The following LRRC53 variants were observed in gnomAD, a reference collection of about 807,000 sequenced individuals.
LRRC53 encodes the protein leucine-rich repeat-containing protein 53.
Under a neutral mutation model 13.6 loss-of-function variants are expected in LRRC53, and 25 were observed. The ratio of observed to expected loss-of-function variants is 1.83; its 90% confidence interval spans 1.34 to 2.56. The LOEUF is 2.56. Ranked by LOEUF, LRRC53 falls within the 30% of genes most tolerant of loss-of-function variation. The pLI, the probability that LRRC53 is intolerant of heterozygous loss-of-function variation, is 0.00. For synonymous variants in LRRC53, 204 were observed against 109.8 expected, an observed-to-expected ratio of 1.86 and a Z score of -5.37; for missense variants, 527 against 275.8, an observed-to-expected ratio of 1.91 and a Z score of -6.45.
At chr1:74,523,364 T>A in the LRRC53 span, among the ~76,000 whole-genome samples, 1 of 152,234 alleles carries the variant, frequency 6.6e-6, no homozygotes. Flanking sequence ...TATACACATA[T>A]CTAAGAGAAC....
Position 74,472,151 on chromosome 1 carries a change from A to T in LRRC53, c.1471T>A (p.Leu491Met). 1.4e-6 allele frequency: 1 copy of T among 717,184 alleles called. No individual in the cohort carries two copies. Among genetic ancestry groups the T allele is most frequent in the East Asian group, 2.7e-5 (1 of 37,286 alleles). The allele number at this position is 717,184 out of a possible 1,614,324, so 44.4% of individuals were successfully genotyped here. Residue 491 changes from leucine to methionine, a missense_variant, in exon 5 of 5, where the codon TTG becomes ATG. Transcript: ENST00000294635. ...CGCTTCTCAAGACTTTCTCCTGCCA[A>T]GGCTGAAGCGGGTGTTGCATATCTT... is the stretch of plus-strand genomic sequence containing the variant. ...RRRYATPASA[L>M]AGESLEKRLT...
intron 3 of LRRC53, among the ~76,000 whole-genome samples, chr1:74,478,430 T>G (rs934003437): frequency 1.3e-5 from 2 of 152,208 alleles, no homozygotes; most frequent in Non-Finnish European, 1.5e-5. Context: ...GAACTGTTAA[T>G]GTAGCTAAAT....
chr1:74,485,209 A>C (rs946834516), intron 1 of LRRC53, among the ~76,000 whole-genome samples: 2 of 152,226 alleles, frequency 1.3e-5, no homozygotes, highest in Admixed American at 6.5e-5. Context: ...TGGATGCTTT[A>C]AGAAGGATGT....
chr1:74,521,231 C>T, the LRRC53 span, among the ~76,000 whole-genome samples: 1 of 152,122 alleles, frequency 6.6e-6, no homozygotes, highest in Admixed American at 6.5e-5. Context: ...CACATTGTGG[C>T]ACTGCCATTT....
chr1:74,484,974 G>A (rs575274944), intron 1 of LRRC53, among the ~76,000 whole-genome samples: 1 of 152,182 alleles, frequency 6.6e-6, no homozygotes, highest in East Asian at 1.9e-4. Flanking sequence ...AAGGATGAGA[G>A]GTAAGCATAT....
rs776625841 is a variant in LRRC53 at position 74,475,489 on chromosome 1, A to AC, written c.1225dup (p.Val409GlyfsTer11). On this transcript the variant is annotated frameshift_variant, in exon 4 of 5. Coordinates refer to ENST00000294635, the MANE Select transcript of LRRC53 (RefSeq NM_001382280.1). LOFTEE classifies it high-confidence loss of function. Reference sequence around the variant, plus strand: ...ATCCTGGCAAAATAAAGTGCTGCCTACCCCACGGTCTTTCTTTTTCAGGTT... The same window carrying AC: ...ATCCTGGCAAAATAAAGTGCTGCCTACCCCCACGGTCTTTCTTTTTCAGGTT... The AC allele has an allele frequency of 1.6e-4, 114 of 716,824 alleles. No homozygotes were observed. The highest frequency in any genetic ancestry group is 1.2e-3 in the South Asian group (84 of 67,548). 44.4% of individuals were successfully genotyped at this position (716,824 alleles called of 1,614,324 possible). A position where few individuals can be genotyped will look rare whatever the true frequency, so the allele number is the denominator to read the frequency against.
intron 1 of LRRC53, among the ~76,000 whole-genome samples, chr1:74,505,850 G>A (rs1188280660): frequency 6.6e-6 from 1 of 152,174 alleles, no homozygotes; most frequent in Non-Finnish European, 1.5e-5. Flanking sequence ...ATTAATATTT[G>A]TGATATTAGC....
chr1:74,505,695 G>A (rs1669860138), intron 1 of LRRC53, among the ~76,000 whole-genome samples: 1 of 152,040 alleles, frequency 6.6e-6, no homozygotes, highest in South Asian at 2.1e-4. Context: ...TAAACCAGTT[G>A]TCATTTCTCA....
At chr1:74,528,013 G>T in the LRRC53 span, among the ~76,000 whole-genome samples, 1 of 152,172 alleles carries the variant, frequency 6.6e-6, no homozygotes, top group African/African-American at 2.4e-5. Context: ...GGTAAATAAG[G>T]TAGTCACGTG....
At chr1:74,533,281 C>T in the LRRC53 span, among the ~76,000 whole-genome samples, 3 of 152,130 alleles carry the variant, frequency 2.0e-5, no homozygotes, top group Non-Finnish European at 4.4e-5. Flanking sequence ...CAAAAGAAGA[C>T]ATTTATGCAG....
chr1:74,484,021 T>C (rs564514269), intron 1 of LRRC53, among the ~76,000 whole-genome samples: 62 of 152,276 alleles, frequency 4.1e-4, no homozygotes, highest in Non-Finnish European at 6.9e-4. Context: ...CTTTTTCATG[T>C]GTAAAATAGA....
upstream of LRRC53, among the ~76,000 whole-genome samples, chr1:74,514,859 A>C (rs1406272414): frequency 6.6e-6 from 1 of 152,174 alleles, no homozygotes; most frequent in Non-Finnish European, 1.5e-5. Flanking sequence ...ATTTGGAAAC[A>C]GGGTTGTTGC....
chr1:74,492,326 A>G, intron 1 of LRRC53: 1 of 1,399,584 alleles, frequency 7.1e-7, no homozygotes, highest in Non-Finnish European at 9.4e-7. Flanking sequence ...TTATCAAGAC[A>G]GTCAACTGAT....
chr1:74,480,807 G>A lies in LRRC53; in HGVS notation c.250C>T (p.Arg84Trp), dbSNP rs1461289427. Residue 84 changes from arginine to tryptophan, a missense_variant, in exon 3 of 5, where the codon CGG becomes TGG. Transcript: ENST00000294635. ...EDALHGLTMLRTLLLEHNQIS... is the reference protein window; with the variant it reads ...EDALHGLTMLWTLLLEHNQIS... ...TGGTTGTGCTCCAGCAACAAGGTCC[G>A]CAACATCGTAAGCCCATGCAGGGCA... is the stretch of plus-strand genomic sequence containing the variant. 1 of 717,570 alleles carries A rather than the reference G, an allele frequency of 1.4e-6. No individual in the cohort carries two copies. Among genetic ancestry groups the A allele is most frequent in the Admixed American group, 2.0e-5 (1 of 50,020 alleles). 44.5% of individuals were successfully genotyped at this position (717,570 alleles called of 1,614,324 possible). A position where few individuals can be genotyped will look rare whatever the true frequency, so the allele number is the denominator to read the frequency against.
chr1:74,497,509 A>T (rs968914113), intron 1 of LRRC53, among the ~76,000 whole-genome samples: 2 of 151,736 alleles, frequency 1.3e-5, no homozygotes, highest in African/African-American at 4.8e-5. Flanking sequence ...TCCTCTTTCC[A>T]TGGGTCTTCT....
chr1:74,483,395 C>A lies in LRRC53; in HGVS notation c.-26-20G>T, dbSNP rs544739201. 1.4e-6 allele frequency: 1 copy of A among 715,732 alleles called. No homozygotes were observed. The highest frequency in any genetic ancestry group is 1.5e-5 in the South Asian group (1 of 67,432). The allele number at this position is 715,732 out of a possible 1,614,324, so 44.3% of individuals were successfully genotyped here. Reference sequence around the variant, plus strand: ...ATCCACCTGAAAGGAAAGTAGAGGGCAATGTATATCATAATGTTGGCATTC... The same window carrying A: ...ATCCACCTGAAAGGAAAGTAGAGGGAAATGTATATCATAATGTTGGCATTC... On this transcript the variant is annotated intron_variant, in intron 1 of 4. Transcript: ENST00000294635.
intron 1 of LRRC53, among the ~76,000 whole-genome samples, chr1:74,509,747 C>CTTTTTTT (rs68193106): frequency 1.3e-4 from 6 of 47,812 alleles, no homozygotes; most frequent in Admixed American, 3.7e-4. Context: ...ATCTGAATTT[C>CTTTTTTT]TTTTTTTTTT....
Position 74,475,387 on chromosome 1 carries a change from G to C in LRRC53, c.1328C>G (p.Thr443Arg), listed in dbSNP as rs45516996. The C allele has an allele frequency of 3.0e-4, 216 of 717,032 alleles. 1 individual carries two copies. In the African/African-American group the frequency reaches 3.4e-3, roughly 11 times the overall value. The allele number at this position is 717,032 out of a possible 1,614,324, so 44.4% of individuals were successfully genotyped here. A position where few individuals can be genotyped will look rare whatever the true frequency, so the allele number is the denominator to read the frequency against. The part of the protein sequence containing the change: ...RAFNEAGLLT[T>R]YNPRKVQKLW... ...CTTTTGAACTTTCCTTGGATTATAT[G>C]TTGTAAGTAAGCCTGCTTCATTAAA... Residue 443 changes from threonine (T) to arginine (R), a missense_variant, in exon 4 of 5, where the codon ACA becomes AGA. Thr to Arg is a moderately conservative substitution (Grantham distance 71). Transcript: ENST00000294635.
At chr1:74,472,222 G>T (rs1667971868) in intron 4 of LRRC53, 21 bp from the exon 5 acceptor site, 2 of 715,420 alleles carry the variant, frequency 2.8e-6, no homozygotes, top group Admixed American at 2.0e-5. Context: ...ATAAATGCAA[G>T]AATTTAGCAC....
Sources: allele counts gnomAD v4.1 joint callset (sites outside exome capture counted in the v4.1 genomes callset), GRCh38; gene constraint gnomAD v4.1.1; transcripts MANE v1.5; gene names NCBI Gene and HGNC (gene_info 2026-07-23, HGNC 2026-07-21).